The following NTM variants were observed in gnomAD, a reference collection of about 807,000 sequenced individuals.
NTM encodes the protein IgLON family member 2.
NTM carries 13 observed loss-of-function variants against 42.1 expected under a neutral mutation model. That is an observed-to-expected ratio of 0.31 (90% confidence interval 0.20 to 0.49). The LOEUF (loss-of-function observed/expected upper bound fraction) is 0.49. Among genes scored for constraint, NTM ranks in the 20% least tolerant of loss-of-function variants. NTM has a pLI of 0.99. For synonymous variants in NTM, 187 were observed against 179.2 expected (o/e 1.04, Z -0.35); for missense variants, 373 against 452.8 (o/e 0.82, Z 1.60).
chr11:131,595,455 A>C (rs2458781), intron 1 of NTM, among the ~76,000 whole-genome samples: 1 of 152,146 alleles, frequency 6.6e-6, no homozygotes, highest in Admixed American at 6.6e-5. Context: ...TGTCATTTAG[A>C]AGGACTGACT....
intron 1 of NTM, among the ~76,000 whole-genome samples, chr11:131,561,508 C>T (rs2056225312): frequency 6.6e-6 from 1 of 152,190 alleles, no homozygotes; most frequent in Admixed American, 6.5e-5. Context: ...TGGGTGGACT[C>T]TTGAGACACT....
rs199824869 is a variant in NTM, at chr11:131,664,753, GTTTTT to G, written c.83-246789_83-246785del. On this transcript the variant is annotated intron_variant, in intron 1 of 8. Transcript: ENST00000683400. ...AAGGGGGCCACTGCTCTCTTCCATT[GTTTTT>G]TTTTTTTTTTTTTTTTTTTTTAGAT... Among the ~76,000 whole-genome samples the G allele has an allele frequency of 9.1e-3, 1,024 of 112,850 alleles. 10 individuals are homozygous for G. Among genetic ancestry groups the G allele is most frequent in the African/African-American group, 0.032 (966 of 29,854 alleles). 74.0% of individuals were successfully genotyped at this position (112,850 alleles called of 152,430 possible).
intron 1 of NTM, among the ~76,000 whole-genome samples, chr11:131,373,674 G>A (rs1294552311): frequency 6.6e-6 from 1 of 152,068 alleles, no homozygotes; most frequent in Admixed American, 6.5e-5. Flanking sequence ...CTGCCACTGA[G>A]AGCCTCTGAA....
chr11:131,721,586 A>G (rs950588438), intron 1 of NTM, among the ~76,000 whole-genome samples: 2 of 152,144 alleles, frequency 1.3e-5, no homozygotes, highest in African/African-American at 4.8e-5. Flanking sequence ...ACGTCCATCT[A>G]CCAGACTTGT....
intron 1 of NTM, among the ~76,000 whole-genome samples, chr11:131,898,283 G>C (rs564170539): frequency 4.6e-5 from 7 of 152,206 alleles, no homozygotes; most frequent in Non-Finnish European, 1.0e-4. Context: ...AACCAGTGCT[G>C]ATGTCTGCCT....
chr11:132,073,413 G>A (rs1209953348), intron 2 of NTM, among the ~76,000 whole-genome samples: 1 of 152,180 alleles, frequency 6.6e-6, no homozygotes, highest in African/African-American at 2.4e-5. Flanking sequence ...AGCAGTGCAT[G>A]ATGTTAGTTG....
intron 1 of NTM, among the ~76,000 whole-genome samples, chr11:131,801,610 A>C (rs1428638237): frequency 6.6e-6 from 1 of 151,048 alleles, no homozygotes; most frequent in Non-Finnish European, 1.5e-5. Flanking sequence ...ATATCTTGCT[A>C]TGTAGACCCC....
chr11:132,116,019 G>A (rs1422321890), intron 2 of NTM, among the ~76,000 whole-genome samples: 1 of 152,188 alleles, frequency 6.6e-6, no homozygotes, highest in Admixed American at 6.5e-5. Context: ...CAGCTCAGGT[G>A]TGGCCTTCTC....
chr11:131,908,875 T>C (rs1419488916), intron 1 of NTM, among the ~76,000 whole-genome samples: 2 of 152,216 alleles, frequency 1.3e-5, no homozygotes, highest in Non-Finnish European at 2.9e-5. Flanking sequence ...CTTTCAAAAA[T>C]ACAAACAAAG....
At chr11:131,536,248 A>C (rs1256269289) in intron 1 of NTM, 1 of 152,238 alleles carries the variant, frequency 6.6e-6, no homozygotes, top group Non-Finnish European at 1.5e-5. Context: ...CAAGCCTGCT[A>C]TGTGAATGCT....
At chr11:131,790,982 C>T (rs2090852231) in intron 1 of NTM, among the ~76,000 whole-genome samples, 1 of 152,152 alleles carries the variant, frequency 6.6e-6, no homozygotes, top group East Asian at 1.9e-4. Context: ...AATATTGATG[C>T]TTTAAGGTTT....
intron 1 of NTM, among the ~76,000 whole-genome samples, chr11:131,744,061 A>G (rs2081501678): frequency 6.6e-6 from 1 of 152,122 alleles, no homozygotes; most frequent in Admixed American, 6.5e-5. Context: ...AGCAGGTCCT[A>G]TTTTGCTTCC....
chr11:131,879,187 T>C (rs2049071060), intron 1 of NTM, among the ~76,000 whole-genome samples: 1 of 152,204 alleles, frequency 6.6e-6, no homozygotes, highest in Admixed American at 6.5e-5. Flanking sequence ...CTTCTCATTC[T>C]GTAAAATGAC....
intron 1 of NTM, among the ~76,000 whole-genome samples, chr11:131,865,132 C>T (rs1366050703): frequency 1.3e-5 from 2 of 152,178 alleles, no homozygotes; most frequent in Non-Finnish European, 2.9e-5. Flanking sequence ...ATGTACAAGT[C>T]CCCAAAGGCA....
Position 131,566,390 on chromosome 11 carries a change from G to A in NTM, c.82+195502G>A, listed in dbSNP as rs529713765. ...GCTTTCTCCAGGAGGGAGTCTCCCC[G>A]TACCTGCCACTGGTGCATGTGTGTG... On this transcript the variant is annotated intron_variant, in intron 1 of 8. Transcript: ENST00000683400. 7.2e-5 allele frequency among the ~76,000 whole-genome samples: 11 copies of A among 151,852 alleles called. No individual in the cohort carries two copies. The East Asian group carries it at 1.9e-3, about 27-fold the overall frequency.
chr11:131,657,402 G>T (rs543372075), intron 1 of NTM, among the ~76,000 whole-genome samples: 1 of 152,228 alleles, frequency 6.6e-6, no homozygotes, highest in African/African-American at 2.4e-5. Flanking sequence ...AGGGCAGAGG[G>T]TGGACCAGTG....
chr11:131,957,728 G>A (rs1403531902), intron 2 of NTM, among the ~76,000 whole-genome samples: 1 of 152,164 alleles, frequency 6.6e-6, no homozygotes, highest in Non-Finnish European at 1.5e-5. Context: ...TTTCAGAATA[G>A]AGAAGATCAA....
At chr11:131,712,335 T>C (rs1364572488) in intron 1 of NTM, among the ~76,000 whole-genome samples, 1 of 152,008 alleles carries the variant, frequency 6.6e-6, no homozygotes, top group Non-Finnish European at 1.5e-5. Context: ...AAAACAGTTG[T>C]TAAGAGGAGG....
intron 1 of NTM, among the ~76,000 whole-genome samples, chr11:131,894,591 C>T (rs2051946563): frequency 6.6e-6 from 1 of 152,136 alleles, no homozygotes; most frequent in Admixed American, 6.5e-5. Flanking sequence ...CCACAGGCTT[C>T]CATCTGCTTG....
Sources: allele counts gnomAD v4.1 joint callset (sites outside exome capture counted in the v4.1 genomes callset), GRCh38; gene constraint gnomAD v4.1.1; transcripts MANE v1.5; gene names NCBI Gene and HGNC (gene_info 2026-07-23, HGNC 2026-07-21).